Variants in SRGAP1 observed in about 807,000 individuals in gnomAD.
The protein encoded by SRGAP1 is SLIT-ROBO Rho GTPase activating protein 1.
A neutral mutation model predicts 121.9 loss-of-function variants in SRGAP1; 43 were observed. That is an observed-to-expected ratio of 0.35 (90% CI 0.28 to 0.46). The LOEUF (loss-of-function observed/expected upper bound fraction) is 0.46. Among genes scored for constraint, SRGAP1 ranks in the 20% least tolerant of loss-of-function variants. The pLI, the probability that SRGAP1 is intolerant of heterozygous loss-of-function variation, is 1.00. For missense variants in SRGAP1, 1,102 were observed against 1,350.9 expected (o/e 0.82, Z 2.89); for synonymous variants, 447 against 485.4 (o/e 0.92, Z 1.04).
At chr12:63,896,964 G>A (rs891266795) in intron 1 of SRGAP1, among the ~76,000 whole-genome samples, 1 of 152,166 alleles carries the variant, frequency 6.6e-6, no homozygotes, top group Non-Finnish European at 1.5e-5. Flanking sequence ...TTTGATCAGA[G>A]AACCTTGCTC....
intron 17 of SRGAP1, 29 bp downstream of exon 17, chr12:64,112,015 C>T (rs1019292881): frequency 6.4e-7 from 1 of 1,555,874 alleles, no homozygotes; most frequent in African/African-American, 1.4e-5. Context: ...GTCCTCCTCT[C>T]CCACCGAAAA....
In SRGAP1 at chr12:63,963,305, G is replaced by A. The variant is rs79102759; in HGVS notation, c.68-20642G>A. Among the ~76,000 whole-genome samples, 30 of 152,008 alleles carry A rather than the reference G, an allele frequency of 2.0e-4. No individual in the cohort carries two copies. The East Asian group carries it at 4.7e-3, about 24-fold the overall frequency. On this transcript the variant is annotated intron_variant, in intron 1 of 21. Coordinates refer to ENST00000355086, the MANE Select transcript of SRGAP1 (RefSeq NM_020762.4). ...TTTTTCTTCTTTTTAAGTTTTTCTCGGAACTGAAGTTTTAAGATAGTGTCA... is the reference window on the plus strand; with the variant it reads ...TTTTTCTTCTTTTTAAGTTTTTCTCAGAACTGAAGTTTTAAGATAGTGTCA...
intron 1 of SRGAP1, among the ~76,000 whole-genome samples, chr12:63,954,688 A>AAAAAAAAG (rs57230527): frequency 7.7e-6 from 1 of 130,220 alleles, no homozygotes; most frequent in Non-Finnish European, 1.6e-5. Flanking sequence ...AAAAAAAAAA[A>AAAAAAAAG]AAAAGAAAAG....
At chr12:64,113,274 G>A (rs2036461238) in intron 17 of SRGAP1, among the ~76,000 whole-genome samples, 1 of 152,084 alleles carries the variant, frequency 6.6e-6, no homozygotes, top group Admixed American at 6.5e-5. Flanking sequence ...CAGGCATGGT[G>A]GTACGTGCCT....
intron 1 of SRGAP1, among the ~76,000 whole-genome samples, chr12:63,972,586 A>C (rs1163344521): frequency 1.3e-5 from 2 of 152,232 alleles, no homozygotes; most frequent in Admixed American, 6.5e-5. Flanking sequence ...CACCAGAGAT[A>C]GTTGTTGAGT....
chr12:63,876,134 T>G (rs1900021724), intron 1 of SRGAP1, among the ~76,000 whole-genome samples: 1 of 152,134 alleles, frequency 6.6e-6, no homozygotes, highest in African/African-American at 2.4e-5. Context: ...AGAGTTAAAC[T>G]GAAAAGATTG....
intron 15 of SRGAP1, among the ~76,000 whole-genome samples, chr12:64,104,259 A>C (rs941630169): frequency 1.5e-4 from 23 of 152,282 alleles, no homozygotes; most frequent in African/African-American, 5.5e-4. Context: ...GGACGCTAAC[A>C]TGAGAATCTT....
At chr12:63,847,519 C>G (rs920005357) in intron 1 of SRGAP1, among the ~76,000 whole-genome samples, 3 of 151,650 alleles carry the variant, frequency 2.0e-5, no homozygotes, top group African/African-American at 4.8e-5. Flanking sequence ...TTTGGGAGAC[C>G]GAGGTGGGCG....
chr12:63,934,658 C>A (rs183611952), intron 1 of SRGAP1, among the ~76,000 whole-genome samples: 87 of 152,272 alleles, frequency 5.7e-4, no homozygotes, highest in African/African-American at 1.8e-3. Context: ...ACCACCCCCC[C>A]CAACAATCTG....
intron 1 of SRGAP1, among the ~76,000 whole-genome samples, chr12:63,921,670 C>T (rs1026895972): frequency 2.0e-5 from 3 of 152,166 alleles, no homozygotes; most frequent in African/African-American, 7.2e-5. Context: ...GTTATATGTT[C>T]TTAAAGAATA....
chr12:64,126,936 G>A (rs2036698490), intron 19 of SRGAP1, among the ~76,000 whole-genome samples: 1 of 152,112 alleles, frequency 6.6e-6, no homozygotes, highest in Non-Finnish European at 1.5e-5. Flanking sequence ...TATGATGGTG[G>A]TCCCATAGGA....
intron 21 of SRGAP1, among the ~76,000 whole-genome samples, chr12:64,128,949 T>C (rs778763220): frequency 2.0e-5 from 3 of 152,158 alleles, no homozygotes; most frequent in Non-Finnish European, 4.4e-5. Flanking sequence ...TCTGGCTCTT[T>C]TCACAGCACA....
intron 15 of SRGAP1, chr12:64,097,579 C>A: frequency 2.2e-6 from 1 of 457,590 alleles, no homozygotes; most frequent in Non-Finnish European, 3.7e-6. Flanking sequence ...GGGCTTTCCT[C>A]CTGAACATCC....
intron 3 of SRGAP1, among the ~76,000 whole-genome samples, chr12:64,013,347 AG>A (rs2034305428): frequency 6.6e-6 from 1 of 152,218 alleles, no homozygotes; most frequent in Non-Finnish European, 1.5e-5. Flanking sequence ...ATCTGGCCCA[AG>A]TATCTGTGAA....
intron 3 of SRGAP1, among the ~76,000 whole-genome samples, chr12:64,012,953 G>C (rs2034295049): frequency 6.6e-6 from 1 of 152,080 alleles, no homozygotes; most frequent in Admixed American, 6.6e-5. Flanking sequence ...GCCCAGGCTG[G>C]TGTTAAATTC....
At chr12:64,075,561 A>T (rs1386374238) in intron 8 of SRGAP1, among the ~76,000 whole-genome samples, 5 of 152,174 alleles carry the variant, frequency 3.3e-5, no homozygotes, top group African/African-American at 7.2e-5. Flanking sequence ...TACCATCTTC[A>T]CATCTGTTTG....
At chr12:64,061,723 A>G (rs2035452612) in intron 6 of SRGAP1, among the ~76,000 whole-genome samples, 1 of 152,138 alleles carries the variant, frequency 6.6e-6, no homozygotes, top group Non-Finnish European at 1.5e-5. Context: ...GCCCTCATTA[A>G]CCACAATCTA....
At chr12:64,039,416 T>C (rs1246096381) in intron 4 of SRGAP1, among the ~76,000 whole-genome samples, 1 of 152,174 alleles carries the variant, frequency 6.6e-6, no homozygotes, top group Non-Finnish European at 1.5e-5. Context: ...CTCTCAGGCT[T>C]AGTTTGTGCA....
rs1284343545 is a variant in SRGAP1 at position 63,866,758 on chromosome 12, G to C, written c.67+21875G>C. 3.4e-5 allele frequency among the ~76,000 whole-genome samples: 5 copies of C among 147,018 alleles called. No homozygotes were observed. The East Asian group carries it at 9.9e-4, about 29-fold the overall frequency. On this transcript the variant is annotated intron_variant, in intron 1 of 21. Coordinates refer to ENST00000355086, the MANE Select transcript of SRGAP1 (RefSeq NM_020762.4). The stretch of plus-strand genomic sequence containing the variant: ...TCTTTTTTTTTTTGCTCAACAATGT[G>C]TCATCTATACCAGTGCTACTCAAGC...
Sources: allele counts gnomAD v4.1 joint callset (sites outside exome capture counted in the v4.1 genomes callset), GRCh38; gene constraint gnomAD v4.1.1; transcripts MANE v1.5; gene names NCBI Gene and HGNC (gene_info 2026-07-23, HGNC 2026-07-21).